Variants in HAUS6 observed in about 807,000 individuals in gnomAD.
HAUS6 encodes the protein HAUS augmin-like complex subunit 6.
Under a neutral mutation model 106.8 loss-of-function variants are expected in HAUS6, and 80 were observed. That is an observed-to-expected ratio of 0.75 (90% CI 0.63 to 0.90). The LOEUF is 0.90. Ranked by LOEUF, HAUS6 falls within the 40% of genes least tolerant of loss-of-function variation. The pLI is 0.00. For synonymous variants in HAUS6, 356 were observed against 379.1 expected (o/e 0.94, Z 0.71); for missense variants, 1,155 against 1,118.1 (o/e 1.03, Z -0.47).
intron 11 of HAUS6, among the ~76,000 whole-genome samples, chr9:19,070,946 GA>G (rs1276136319): frequency 6.6e-6 from 1 of 152,216 alleles, no homozygotes; most frequent in African/African-American, 2.4e-5. Context: ...AAGTTGCTAT[GA>G]TGGAGCACAG....
rs749703768 is a variant in HAUS6, at chr9:19,080,625, T to C, written c.918A>G (p.Thr306=). 1 of 1,607,180 alleles carries C rather than the reference T, an allele frequency of 6.2e-7. No individual in the cohort carries two copies. The highest frequency in any genetic ancestry group is 1.7e-5 in the Admixed American group (1 of 59,754). Residue 306 remains threonine, a synonymous_variant, in exon 9 of 17, where the codon ACA becomes ACG. Transcript: ENST00000380502. The part of the protein sequence containing the change: ...VYEAGKLNLL[T]VIQLLNEVLK... ...AGACTTCATTTAATAACTGAATAAC[T>C]GTTAAGAGGTTCAGTTTTCCAGCCT...
At chr9:19,091,599 G>A (rs971187231) in intron 4 of HAUS6, among the ~76,000 whole-genome samples, 1 of 152,050 alleles carries the variant, frequency 6.6e-6, no homozygotes, top group Non-Finnish European at 1.5e-5. Flanking sequence ...AGGATTACTT[G>A]AGACCAGGAG....
chr9:19,081,717 G>A (rs1046433579), intron 8 of HAUS6, among the ~76,000 whole-genome samples: 5 of 152,066 alleles, frequency 3.3e-5, no homozygotes, highest in Admixed American at 6.6e-5. Context: ...GGGATTATAG[G>A]TGTGAGCCAC....
At chr9:19,080,250 C>G (rs1837111604) in intron 9 of HAUS6, among the ~76,000 whole-genome samples, 1 of 149,212 alleles carries the variant, frequency 6.7e-6, no homozygotes, top group African/African-American at 2.5e-5. Flanking sequence ...TACAGAAAAG[C>G]TAAAATTATT....
At position 19,082,121 on chromosome 9, in the gene HAUS6, T is replaced by C. The variant is rs145390581; in HGVS notation, c.870+752A>G. 2.5e-3 allele frequency among the ~76,000 whole-genome samples: 384 copies of C among 152,278 alleles called. 3 individuals carry two copies. The highest frequency in any genetic ancestry group is 8.8e-3 in the African/African-American group (366 of 41,566). ...TGGTAAGAAAATACAAATACATTTA[T>C]AATGACGGAAAGAAAAAGAGGGCAT... is the stretch of plus-strand genomic sequence containing the variant. On this transcript the variant is annotated intron_variant, in intron 8 of 16. Coordinates refer to ENST00000380502, the MANE Select transcript of HAUS6 (RefSeq NM_017645.5).
chr9:19,093,138 CA>C lies in HAUS6; in HGVS notation c.436+32del. On this transcript the variant is annotated intron_variant, in intron 4 of 16. Coordinates refer to ENST00000380502, the MANE Select transcript of HAUS6 (RefSeq NM_017645.5). Reference sequence around the variant, plus strand: ...TAAAGAACAATAAAAATTTAAGAATCAAAACAAAAAATCTTTTATAAGTTGA... The same window carrying C: ...TAAAGAACAATAAAAATTTAAGAATCAAACAAAAAATCTTTTATAAGTTGA... 3 of 1,387,810 alleles carry C rather than the reference CA, an allele frequency of 2.2e-6. No homozygotes were observed. In the South Asian group the frequency reaches 3.9e-5, roughly 18 times the overall value. 86.0% of individuals were successfully genotyped at this position (1,387,810 alleles called of 1,614,324 possible). A position where few individuals can be genotyped will look rare whatever the true frequency, so the allele number is the denominator to read the frequency against.
At chr9:19,093,840 G>A (rs1242310610) in intron 3 of HAUS6, among the ~76,000 whole-genome samples, 2 of 152,158 alleles carry the variant, frequency 1.3e-5, no homozygotes, top group African/African-American at 4.8e-5. Context: ...TTGCACTCCA[G>A]CCTGGGTGAC....
Position 19,063,036 on chromosome 9 carries a change from T to A in HAUS6, c.1601A>T (p.Gln534Leu). Residue 534 changes from glutamine to leucine, a missense_variant, in exon 14 of 17, where the codon CAA becomes CTA. Physicochemically the swap from Gln to Leu is moderately radical, Grantham distance 113 (BLOSUM62 -2). Around this residue, in one of 3 missense-constraint regions of HAUS6, gnomAD observed 761 missense variants for 690.0 expected, o/e 1.10. Transcript: ENST00000380502. ...SLPAKKSDPFQKEQDHLVEEV... is the reference protein window; with the variant it reads ...SLPAKKSDPFLKEQDHLVEEV... ...TTCTACCAGATGATCTTGCTCTTTT[T>A]GAAATGGATCACTTTTTTTAGCTGG... 6.2e-7 allele frequency: 1 copy of A among 1,611,418 alleles called. No individual in the cohort carries two copies.
chr9:19,096,697 C>A lies in HAUS6; in HGVS notation c.201G>T (p.Gln67His), dbSNP rs751300721. ...ISYFLFQVLD[Q>H]SLTKEVFKFC... ...ACTTGAAAACTTCTTTGGTGAGAGA[C>A]TGGTCCAGAACTTGAAACAAAAAAT... The change falls in exon 2 of 17, where the codon CAG becomes CAT. Residue 67 changes from glutamine (Q) to histidine (H), a missense_variant. Coordinates refer to ENST00000380502, the MANE Select transcript of HAUS6 (RefSeq NM_017645.5). The A allele has an allele frequency of 6.6e-7, 1 of 1,504,114 alleles. No homozygotes were observed. The highest frequency in any genetic ancestry group is 9.0e-7 in the Non-Finnish European group (1 of 1,105,866). 93.2% of individuals were successfully genotyped at this position (1,504,114 alleles called of 1,614,324 possible).
chr9:19,079,164 CAA>C (rs145287970), intron 9 of HAUS6, among the ~76,000 whole-genome samples: 48 of 74,878 alleles, frequency 6.4e-4, no homozygotes, highest in Admixed American at 9.9e-4. Context: ...AATGCCGTCT[CAA>C]AAAAAAAAAA....
At chr9:19,097,125 T>C (rs1277474944) in intron 1 of HAUS6, among the ~76,000 whole-genome samples, 1 of 152,172 alleles carries the variant, frequency 6.6e-6, no homozygotes, top group African/African-American at 2.4e-5. Context: ...GAGTACATGT[T>C]AGACCTAAAA....
At chr9:19,084,123 G>C (rs934038055) in intron 7 of HAUS6, among the ~76,000 whole-genome samples, 2 of 150,324 alleles carry the variant, frequency 1.3e-5, no homozygotes, top group African/African-American at 4.9e-5. Flanking sequence ...CAATCCAAAG[G>C]TCCATCCAGA....
chr9:19,083,198 G>T (rs1335494362), intron 7 of HAUS6, among the ~76,000 whole-genome samples, 155 bp from the exon 8 acceptor site: 1 of 151,984 alleles, frequency 6.6e-6, no homozygotes, highest in Non-Finnish European at 1.5e-5. Context: ...AGTCCCTTTG[G>T]ATATTATTTC....
Position 19,054,227 on chromosome 9 carries a change from G to A in HAUS6, c.*2116C>T, listed in dbSNP as rs1836421740. The A allele has an allele frequency of 6.6e-6, 1 of 152,170 alleles. No homozygotes were observed. Among genetic ancestry groups the A allele is most frequent in the Non-Finnish European group, 1.5e-5 (1 of 68,022 alleles). 9.4% of individuals were successfully genotyped at this position (152,170 alleles called of 1,614,324 possible). On this transcript the variant is annotated 3_prime_UTR_variant, in exon 17 of 17. Transcript: ENST00000380502. ...TTCAGTAAAAAAATGGGAGATTACA[G>A]CGGAAGGGGGAGTAGAGGAAATCCG...
chr9:19,093,355 T>C (rs562576256), intron 3 of HAUS6, 52 bp from the exon 4 acceptor site: 6 of 1,419,968 alleles, frequency 4.2e-6, no homozygotes, highest in African/African-American at 2.9e-5. Flanking sequence ...CAATAACTCT[T>C]ACATTTACAT....
At chr9:19,063,681 T>C (rs775650448) in intron 12 of HAUS6, 101 bp from the exon 13 acceptor site, 1 of 855,008 alleles carries the variant, frequency 1.2e-6, no homozygotes, top group East Asian at 2.4e-5. Context: ...ATCTGTCCGT[T>C]ACGATTTCAC....
chr9:19,069,806 C>T (rs1290520331), intron 12 of HAUS6, among the ~76,000 whole-genome samples: 1 of 151,680 alleles, frequency 6.6e-6, no homozygotes, highest in Non-Finnish European at 1.5e-5. Flanking sequence ...ATATAAAAAT[C>T]AAATTTGGGT....
In HAUS6 at chr9:19,070,243, C is replaced by T; in HGVS notation, c.1352G>A (p.Gly451Glu). 1 of 1,595,896 alleles carries T rather than the reference C, an allele frequency of 6.3e-7. No individual in the cohort carries two copies. The highest frequency in any genetic ancestry group is 8.6e-7 in the Non-Finnish European group (1 of 1,164,190). ...NGCRGDSDTLGALHDLANSPA... is the reference protein window; with the variant it reads ...NGCRGDSDTLEALHDLANSPA... Reference sequence around the variant, plus strand: ...CCTGTTGGCTAGATCATGTAGCGCTCCCAAGGTATCACTGTCTCCTCTGCA... The same window carrying T: ...CCTGTTGGCTAGATCATGTAGCGCTTCCAAGGTATCACTGTCTCCTCTGCA... The change falls in exon 12 of 17, where the codon GGA becomes GAA. Residue 451 changes from glycine to glutamate, a missense_variant. By Grantham distance (98) the Gly-to-Glu change is moderately conservative (BLOSUM62 -2). Coordinates refer to ENST00000380502, the MANE Select transcript of HAUS6 (RefSeq NM_017645.5).
chr9:19,088,309 G>A (rs534987091), intron 5 of HAUS6, among the ~76,000 whole-genome samples: 7 of 151,858 alleles, frequency 4.6e-5, no homozygotes, highest in African/African-American at 7.3e-5. Context: ...CCAATTACTC[G>A]GGAGGCTGAG....
Sources: gnomAD v4.1 joint callset for allele counts (sites outside exome capture counted in the v4.1 genomes callset) on GRCh38, gnomAD v4.1.1 for gene constraint, gnomAD v4.1.1 regional missense constraint, MANE v1.5 for transcripts, NCBI Gene and HGNC (gene_info 2026-07-23, HGNC 2026-07-21) for gene names.